DLG1: variants seen among roughly 807,000 people sequenced by gnomAD.
DLG1 encodes discs large MAGUK scaffold protein 1.
Under a neutral mutation model 123.4 loss-of-function variants are expected in DLG1, and 42 were observed. The observed-to-expected ratio is 0.34, with a 90% CI of 0.27 to 0.44. The LOEUF is 0.44. DLG1 is among the 20% of genes least tolerant of loss of function. The probability of loss-of-function intolerance (pLI) is 1.00; values close to 1 mark genes in which losing one functional copy is unlikely to be tolerated. For missense variants in DLG1, 942 were observed against 1,082.6 expected (o/e 0.87, Z 1.82); for synonymous variants, 317 against 356.2 (o/e 0.89, Z 1.24).
At chr3:197,092,750 G>A (rs932779019) in intron 14 of DLG1, among the ~76,000 whole-genome samples, 2 of 152,252 alleles carry the variant, frequency 1.3e-5, no homozygotes, top group South Asian at 2.1e-4. Context: ...CAGTCCTCTC[G>A]CTTTGGCCTC....
intron 5 of DLG1, among the ~76,000 whole-genome samples, chr3:197,166,280 G>A (rs1233102103): frequency 6.6e-6 from 1 of 152,080 alleles, no homozygotes; most frequent in Admixed American, 6.6e-5. Context: ...TTATATACAG[G>A]GCATTCTGGT....
chr3:197,060,111 T>C, intron 22 of DLG1, 113 bp from the exon 23 acceptor site: 1 of 643,478 alleles, frequency 1.6e-6, no homozygotes, highest in South Asian at 2.7e-5. Context: ...TCGATCCTTG[T>C]TCACTTTTAG....
chr3:197,154,280 C>A (rs755641531), intron 5 of DLG1, among the ~76,000 whole-genome samples: 1 of 150,820 alleles, frequency 6.6e-6, no homozygotes, highest in Non-Finnish European at 1.5e-5. Context: ...CTAGCCTGGG[C>A]AACAGAGCAA....
chr3:197,053,716 G>A (rs1308457297), intron 23 of DLG1, among the ~76,000 whole-genome samples: 1 of 150,384 alleles, frequency 6.6e-6, no homozygotes, highest in African/African-American at 2.5e-5. Flanking sequence ...AGAGGTTGCA[G>A]TGAGCTGAGA....
chr3:197,183,371 G>A (rs1219651698), intron 5 of DLG1, among the ~76,000 whole-genome samples: 2 of 151,944 alleles, frequency 1.3e-5, no homozygotes, highest in Non-Finnish European at 2.9e-5. Context: ...TATTTTGTTT[G>A]GTATTACATA....
intron 22 of DLG1, among the ~76,000 whole-genome samples, chr3:197,064,773 A>G (rs1207048233): frequency 6.6e-6 from 1 of 152,060 alleles, no homozygotes; most frequent in Non-Finnish European, 1.5e-5. Context: ...AAGTTTTTTA[A>G]AAATTTTAAG....
chr3:197,230,059 TCC>T (rs1742098355), intron 4 of DLG1, among the ~76,000 whole-genome samples: 1 of 152,214 alleles, frequency 6.6e-6, no homozygotes, highest in Non-Finnish European at 1.5e-5. Context: ...AAGTCCAAAG[TCC>T]TTACTATTCT....
At position 197,136,631 on chromosome 3, in the gene DLG1, C is replaced by G. The variant is rs1785174690; in HGVS notation, c.931G>C (p.Gly311Arg). ...AGGVGNQHIP[G>R]DNSIYVTKII... ...TTGGTTACATAGATGCTATTATCCC[C>G]AGGAATATGCTGATTTCCAACACCT... The change falls in exon 10 of 25, where the codon GGG (glycine) becomes CGG (arginine). Residue 311 changes from glycine to arginine, a missense_variant. Gly to Arg is a moderately radical substitution (Grantham distance 125, BLOSUM62 -2). Transcript: ENST00000667157. The G allele has an allele frequency of 1.9e-6, 3 of 1,613,398 alleles. No individual in the cohort carries two copies. In the East Asian group the frequency reaches 6.7e-5, roughly 36 times the overall value.
At chr3:197,215,579 T>C (rs751454536) in intron 4 of DLG1, among the ~76,000 whole-genome samples, 3 of 151,554 alleles carry the variant, frequency 2.0e-5, no homozygotes, top group Non-Finnish European at 4.4e-5. Context: ...GAAGATAACA[T>C]AACGGTCAGT....
chr3:197,246,380 C>T (rs1578649245), intron 4 of DLG1, among the ~76,000 whole-genome samples: 1 of 152,114 alleles, frequency 6.6e-6, no homozygotes, highest in East Asian at 1.9e-4. Flanking sequence ...AGTGAACTGT[C>T]AGTGGTTAGT....
intron 4 of DLG1, among the ~76,000 whole-genome samples, chr3:197,249,171 G>A (rs1386612920): frequency 6.6e-6 from 1 of 151,458 alleles, no homozygotes; most frequent in Non-Finnish European, 1.5e-5. Flanking sequence ...TTTTAGCTAG[G>A]CTAAAAAAAA....
At chr3:197,131,996 T>C (rs1001706242) in intron 10 of DLG1, among the ~76,000 whole-genome samples, 4 of 152,220 alleles carry the variant, frequency 2.6e-5, no homozygotes, top group Non-Finnish European at 5.9e-5. Context: ...TTTATGTCTT[T>C]CTAGCAATCT....
Position 197,114,911 on chromosome 3 carries a change from C to T in DLG1, c.1443+1016G>A, listed in dbSNP as rs370894293. ...AGGAGAATGGCATGAACCCGGGAGG[C>T]GGAGCTTGCAGTGAGCCAAGATCGC... is the stretch of plus-strand genomic sequence containing the variant. On this transcript the variant is annotated intron_variant, in intron 13 of 24. Transcript: ENST00000667157. Among the ~76,000 whole-genome samples, 479 of 140,516 alleles carry T rather than the reference C, an allele frequency of 3.4e-3. 1 individual carries two copies. Among genetic ancestry groups the T allele is most frequent in the South Asian group, 6.3e-3 (27 of 4,312 alleles). The allele number at this position is 140,516 out of a possible 152,430, so 92.2% of individuals were successfully genotyped here. A position where few individuals can be genotyped will look rare whatever the true frequency, so the allele number is the denominator to read the frequency against.
intron 4 of DLG1, among the ~76,000 whole-genome samples, chr3:197,195,959 T>C (rs1171283252): frequency 2.0e-5 from 3 of 151,872 alleles, no homozygotes; most frequent in Admixed American, 6.6e-5. Flanking sequence ...AAATACAGCA[T>C]CAGCATTCAG....
rs566921270 is a variant in DLG1 at position 197,050,320 on chromosome 3, T to C, written c.2575+1257A>G. Among the ~76,000 whole-genome samples, 5 of 151,968 alleles carry C rather than the reference T, an allele frequency of 3.3e-5. No individual in the cohort carries two copies. The South Asian group carries it at 8.3e-4, about 25-fold the overall frequency. On this transcript the variant is annotated intron_variant, in intron 24 of 24. Coordinates refer to ENST00000667157, the MANE Select transcript of DLG1 (RefSeq NM_001366207.1). ...AGGCGGAGGTTGCAGTGAGCCGAGATTGCGCCACTGCACTCCAGCCTGGGC... is the reference window on the plus strand; with the variant it reads ...AGGCGGAGGTTGCAGTGAGCCGAGACTGCGCCACTGCACTCCAGCCTGGGC...
chr3:197,275,002 G>C (rs1253249870), intron 4 of DLG1, among the ~76,000 whole-genome samples: 1 of 152,154 alleles, frequency 6.6e-6, no homozygotes, highest in African/African-American at 2.4e-5. Flanking sequence ...AGCCAGCATA[G>C]TGAAACCCTG....
chr3:197,130,798 A>G (rs1229611572), intron 10 of DLG1, 127 bp from the exon 11 acceptor site: 1 of 691,136 alleles, frequency 1.4e-6, no homozygotes, highest in African/African-American at 1.8e-5. Context: ...CCGAAAGAAA[A>G]TACCCATGTT....
At chr3:197,082,058 T>G (rs1157165750) in intron 16 of DLG1, among the ~76,000 whole-genome samples, 1 of 152,212 alleles carries the variant, frequency 6.6e-6, no homozygotes, top group East Asian at 1.9e-4. Context: ...CAGCAGGACC[T>G]TAGCATTCAT....
chr3:197,137,983 C>A (rs55782084), intron 9 of DLG1, among the ~76,000 whole-genome samples: 110,242 of 148,442 alleles, frequency 0.74, 41,076 homozygotes, highest in East Asian at 0.82. Context: ...AAAAAACAAA[C>A]AAAAAAACCC....
Sources: gnomAD v4.1 joint callset for allele counts (sites outside exome capture counted in the v4.1 genomes callset) on GRCh38, gnomAD v4.1.1 for gene constraint, MANE v1.5 for transcripts, NCBI Gene and HGNC (gene_info 2026-07-23, HGNC 2026-07-21) for gene names.